Variants in COL26A1 observed in about 807,000 individuals in gnomAD.
COL26A1 encodes the protein collagen type XXVI alpha 1 chain, also known as collagen alpha-1(XXVI) chain.
Under a neutral mutation model 59.3 loss-of-function variants are expected in COL26A1, and 41 were observed. The ratio of observed to expected loss-of-function variants is 0.69; its 90% CI spans 0.54 to 0.90. The LOEUF is 0.90. COL26A1 is among the 40% of genes least tolerant of loss of function. The pLI is 0.00. For synonymous variants in COL26A1, 266 were observed against 256.0 expected (o/e 1.04, Z -0.37); for missense variants, 612 against 602.3 (o/e 1.02, Z -0.17).
At chr7:101,544,858 G>A (rs1315235098) in intron 6 of COL26A1, among the ~76,000 whole-genome samples, 1 of 152,108 alleles carries the variant, frequency 6.6e-6, no homozygotes, top group East Asian at 1.9e-4. Context: ...GGGGCTTCGG[G>A]TACAGGCATG....
At chr7:101,521,798 G>C (rs1029828796) in intron 3 of COL26A1, among the ~76,000 whole-genome samples, 6 of 152,002 alleles carry the variant, frequency 3.9e-5, no homozygotes, top group Non-Finnish European at 4.4e-5. Context: ...TCTCCCCACG[G>C]GTAACCACTC....
At chr7:101,537,830 C>T (rs1205736501) in intron 4 of COL26A1, among the ~76,000 whole-genome samples, 1 of 152,138 alleles carries the variant, frequency 6.6e-6, no homozygotes, top group Non-Finnish European at 1.5e-5. Flanking sequence ...CACACCATCC[C>T]TGCCTCCTCT....
chr7:101,443,269 T>C (rs1236603376), intron 2 of COL26A1, among the ~76,000 whole-genome samples: 3 of 152,042 alleles, frequency 2.0e-5, no homozygotes, highest in Non-Finnish European at 4.4e-5. Context: ...CTCCTGGTCA[T>C]CTCCTACCTC....
At chr7:101,463,080 A>G (rs1312948039) in intron 3 of COL26A1, among the ~76,000 whole-genome samples, 4 of 152,322 alleles carry the variant, frequency 2.6e-5, no homozygotes, top group Middle Eastern at 3.4e-3. Flanking sequence ...CTCTGCCAAT[A>G]GTTGTGCTGT....
At chr7:101,394,585 C>CTTTTTTTTTT (rs59966789) in intron 1 of COL26A1, among the ~76,000 whole-genome samples, 1 of 122,794 alleles carries the variant, frequency 8.1e-6, no homozygotes, top group Non-Finnish European at 1.6e-5. Context: ...TTTTTCTTTT[C>CTTTTTTTTTT]TTTTTTTTTT....
chr7:101,531,034 G>T (rs905693476), intron 3 of COL26A1, among the ~76,000 whole-genome samples: 1 of 151,544 alleles, frequency 6.6e-6, no homozygotes, highest in East Asian at 1.9e-4. Flanking sequence ...GCAGTGGTGC[G>T]ATCTCGGCTC....
chr7:101,418,355 G>A (rs1792428179), intron 1 of COL26A1, among the ~76,000 whole-genome samples: 1 of 152,152 alleles, frequency 6.6e-6, no homozygotes, highest in African/African-American at 2.4e-5. Flanking sequence ...GTTTCTGGCT[G>A]TGATTTTTGC....
chr7:101,545,029 A>G (rs930561211), intron 6 of COL26A1, among the ~76,000 whole-genome samples: 9 of 152,158 alleles, frequency 5.9e-5, no homozygotes, highest in African/African-American at 2.2e-4. Flanking sequence ...TTCCTGCCAC[A>G]GGGCTGAAGT....
chr7:101,463,703 CTCTT>C (rs1377365666), intron 3 of COL26A1, among the ~76,000 whole-genome samples: 13 of 84,564 alleles, frequency 1.5e-4, no homozygotes, highest in African/African-American at 4.5e-4. Flanking sequence ...CTTTTTCTCT[CTCTT>C]TCTTTCTTTT....
chr7:101,534,539 T>TGC (rs1795438749), intron 4 of COL26A1, among the ~76,000 whole-genome samples: 1 of 151,676 alleles, frequency 6.6e-6, no homozygotes, highest in South Asian at 2.1e-4. Flanking sequence ...CACAGACACA[T>TGC]GCACACACAC....
intron 10 of COL26A1, 87 bp downstream of exon 10, chr7:101,551,230 T>TGGGGGGGGGGGGG: frequency 8.8e-6 from 1 of 113,778 alleles, no homozygotes; most frequent in Non-Finnish European, 1.6e-5. Context: ...CGGGGGTTGG[T>TGGGGGGGGGGGGG]GGGGGGGTTC....
At chr7:101,535,529 C>A (rs1795463241) in intron 4 of COL26A1, among the ~76,000 whole-genome samples, 1 of 152,164 alleles carries the variant, frequency 6.6e-6, no homozygotes, top group African/African-American at 2.4e-5. Flanking sequence ...CTGTGGTCTT[C>A]CCGGCCCTGA....
intron 2 of COL26A1, among the ~76,000 whole-genome samples, chr7:101,422,109 C>T (rs911687566): frequency 1.3e-5 from 2 of 151,872 alleles, no homozygotes; most frequent in East Asian, 1.9e-4. Context: ...GTCGGGAGTT[C>T]GAGACTAGCA....
intron 1 of COL26A1, among the ~76,000 whole-genome samples, chr7:101,392,932 A>G (rs537784662): frequency 2.6e-5 from 4 of 152,254 alleles, no homozygotes; most frequent in South Asian, 4.1e-4. Flanking sequence ...GCTACTTTAC[A>G]TGGTAAAAGG....
At chr7:101,364,971 A>G (rs903818606) in intron 1 of COL26A1, among the ~76,000 whole-genome samples, 20 of 152,224 alleles carry the variant, frequency 1.3e-4, no homozygotes, top group Admixed American at 1.2e-3. Flanking sequence ...GAGGACTCCA[A>G]GATGATTTCT....
chr7:101,498,690 G>A (rs9969331), intron 3 of COL26A1, among the ~76,000 whole-genome samples: 37,763 of 152,110 alleles, frequency 0.25, 7,115 homozygotes, highest in African/African-American at 0.53. Flanking sequence ...CTTTTCATTT[G>A]GAGAAGGTCT....
chr7:101,406,956 A>G (rs1792141625), intron 1 of COL26A1, among the ~76,000 whole-genome samples: 1 of 104,130 alleles, frequency 9.6e-6, no homozygotes, highest in South Asian at 3.2e-4. Context: ...TCCCTGTAAA[A>G]AACAAACAAG....
intron 3 of COL26A1, among the ~76,000 whole-genome samples, chr7:101,466,283 T>A (rs1225844043): frequency 1.3e-5 from 2 of 152,066 alleles, no homozygotes; most frequent in African/African-American, 4.8e-5. Flanking sequence ...CAATATATTG[T>A]ATATGAAATG....
rs371651050 is a variant in COL26A1, at chr7:101,416,766, G to T, written c.159-3211G>T. 1.5e-4 allele frequency among the ~76,000 whole-genome samples: 21 copies of T among 143,364 alleles called. No individual in the cohort carries two copies. The East Asian group carries it at 2.1e-3, about 15-fold the overall frequency. 94.1% of individuals were successfully genotyped at this position (143,364 alleles called of 152,430 possible). A position where few individuals can be genotyped will look rare whatever the true frequency, so the allele number is the denominator to read the frequency against. ...TTTTTTTGTGTGTGTATGTCACAGG[G>T]TCTTGCTCTGTCACCCAGTGTGGAG... On this transcript the variant is annotated intron_variant, in intron 1 of 12. Coordinates refer to ENST00000313669, the MANE Select transcript of COL26A1 (RefSeq NM_001278563.3).
Sources: gnomAD v4.1 joint callset for allele counts (sites outside exome capture counted in the v4.1 genomes callset) on GRCh38, gnomAD v4.1.1 for gene constraint, MANE v1.5 for transcripts, NCBI Gene and HGNC (gene_info 2026-07-23, HGNC 2026-07-21) for gene names.